The following ROBO2 variants were observed in gnomAD, a reference collection of about 807,000 sequenced individuals.
The protein encoded by ROBO2 is roundabout guidance receptor 2.
In ROBO2, 53 loss-of-function variants were observed where a neutral mutation model predicts 160.8. The ratio of observed to expected loss-of-function variants is 0.33; its 90% CI spans 0.26 to 0.41. ROBO2 has a LOEUF of 0.41. Among genes scored for constraint, ROBO2 ranks in the 10% least tolerant of loss-of-function variants. The pLI is 1.00. For synonymous variants in ROBO2, 664 were observed against 611.7 expected (o/e 1.09, Z -1.26); for missense variants, 1,577 against 1,722.4 (o/e 0.92, Z 1.49).
At chr3:77,048,895 T>C (rs1267848290) in intron 1 of ROBO2, among the ~76,000 whole-genome samples, 2 of 152,234 alleles carry the variant, frequency 1.3e-5, no homozygotes, top group Admixed American at 1.3e-4. Context: ...TTGTTCTAAT[T>C]GCCTTAGAAC....
chr3:77,097,748 T>C (rs2071284952), intron 1 of ROBO2, among the ~76,000 whole-genome samples: 1 of 152,060 alleles, frequency 6.6e-6, no homozygotes, highest in Non-Finnish European at 1.5e-5. Context: ...AACAAGAAAG[T>C]CTCTTGTTCT....
At position 76,378,469 on chromosome 3, in the gene ROBO2, C is replaced by T. The variant is rs985795417; in HGVS notation, c.109+440867C>T. 5.3e-5 allele frequency among the ~76,000 whole-genome samples: 8 copies of T among 152,220 alleles called. 1 individual carries two copies. The Middle Eastern group carries it at 0.01, about 194-fold the overall frequency. ...GCCATCAATCCTTCTATTTAAGAAA[C>T]GTTCGACGAGTAGGAGATCAAGTAT... On this transcript the variant is annotated intron_variant, in intron 2 of 26. Transcript: ENST00000487694.
chr3:76,459,028 A>G (rs540681142), intron 2 of ROBO2, among the ~76,000 whole-genome samples: 1 of 152,208 alleles, frequency 6.6e-6, no homozygotes, highest in Admixed American at 6.5e-5. Flanking sequence ...AATACAATGT[A>G]CCCTGTGTTA....
intron 2 of ROBO2, among the ~76,000 whole-genome samples, chr3:76,857,468 T>G (rs1486366589): frequency 6.6e-6 from 1 of 152,206 alleles, no homozygotes; most frequent in Non-Finnish European, 1.5e-5. Context: ...CCTAGCCTAT[T>G]ATTGAACTCA....
intron 2 of ROBO2, among the ~76,000 whole-genome samples, chr3:76,465,416 C>A (rs1207241452): frequency 6.6e-6 from 1 of 152,018 alleles, no homozygotes; most frequent in South Asian, 2.1e-4. Context: ...CAATTGGGAT[C>A]TGGGATAAGG....
At chr3:76,071,580 G>A (rs2068456212) in intron 2 of ROBO2, among the ~76,000 whole-genome samples, 1 of 152,046 alleles carries the variant, frequency 6.6e-6, no homozygotes, top group Admixed American at 6.6e-5. Context: ...TTTTAGTAGA[G>A]ACTGATGTTC....
intron 2 of ROBO2, among the ~76,000 whole-genome samples, chr3:76,799,548 AC>A (rs2108834911): frequency 6.6e-6 from 1 of 152,102 alleles, no homozygotes; most frequent in South Asian, 2.1e-4. Flanking sequence ...AAATTAACAT[AC>A]AAAAATCAGT....
At chr3:77,440,893 T>G (rs1219380996) in intron 2 of ROBO2, among the ~76,000 whole-genome samples, 2 of 152,114 alleles carry the variant, frequency 1.3e-5, no homozygotes, top group Non-Finnish European at 2.9e-5. Context: ...GAGGAGAGGA[T>G]ATGTCACTAT....
At chr3:76,990,640 G>T (rs528672530) in intron 2 of ROBO2, among the ~76,000 whole-genome samples, 22 of 152,090 alleles carry the variant, frequency 1.4e-4, no homozygotes, top group South Asian at 4.1e-4. Context: ...TCATGCAGTT[G>T]TTAACTATCT....
intron 2 of ROBO2, among the ~76,000 whole-genome samples, chr3:76,072,372 A>G (rs2068489858): frequency 6.6e-6 from 1 of 152,126 alleles, no homozygotes; most frequent in African/African-American, 2.4e-5. Context: ...TTGTGGAGAA[A>G]TGTTTCAAAA....
chr3:77,564,132 G>A (rs2093414178), intron 11 of ROBO2, among the ~76,000 whole-genome samples: 1 of 151,850 alleles, frequency 6.6e-6, no homozygotes, highest in Admixed American at 6.6e-5. Context: ...GTAATGCTAG[G>A]TACTTAATTT....
chr3:76,851,217 A>G (rs1488902286), intron 2 of ROBO2, among the ~76,000 whole-genome samples: 3 of 152,206 alleles, frequency 2.0e-5, no homozygotes, highest in African/African-American at 7.2e-5. Flanking sequence ...TTGAATTCTA[A>G]TCAATTAAAA....
At chr3:77,211,623 G>A (rs1393647795) in intron 2 of ROBO2, among the ~76,000 whole-genome samples, 1 of 152,072 alleles carries the variant, frequency 6.6e-6, no homozygotes, top group Non-Finnish European at 1.5e-5. Context: ...CATTGCTTTT[G>A]GTGTTTTAGA....
At position 77,040,671 on chromosome 3, in the gene ROBO2, A is replaced by C. The variant is rs2063993283; in HGVS notation, c.-115A>C. 1 of 1,589,124 alleles carries C rather than the reference A, an allele frequency of 6.3e-7. No individual in the cohort carries two copies. On this transcript the variant is annotated 5_prime_UTR_variant, in exon 1 of 26. The change abolishes the stop of an existing upstream ORF in the 5' untranslated region. Coordinates refer to ENST00000461745, the Ensembl canonical transcript of ROBO2. ...CGATTTGCTCTTCTTGACTTTAATT[A>C]GTATCTAGGAAAGTCTAAACTTTGG...
At position 76,675,123 on chromosome 3, in the gene ROBO2, T is replaced by C. The variant is rs142431921; in HGVS notation, c.110-422891T>C. ...ATAAGGGCACAGCATTGGCTGTCTT[T>C]AGTAAAAATCTCTGAATTAGTTGCA... On this transcript the variant is annotated intron_variant, in intron 2 of 26. Coordinates refer to the ROBO2 transcript ENST00000487694. Among the ~76,000 whole-genome samples, 1,388 of 152,292 alleles carry C rather than the reference T, an allele frequency of 9.1e-3. 20 individuals are homozygous for C. The highest frequency in any genetic ancestry group is 0.031 in the African/African-American group (1,307 of 41,576).
exon 13 of ROBO2, chr3:77,568,425 C>G: frequency 6.2e-7 from 1 of 1,612,768 alleles, no homozygotes. Context: ...CGGTTCAGGT[C>G]ACATGGACGG....
intron 2 of ROBO2, among the ~76,000 whole-genome samples, chr3:77,467,823 G>C (rs1468727350): frequency 1.3e-5 from 2 of 152,110 alleles, no homozygotes; most frequent in African/African-American, 4.8e-5. Context: ...AATGCCCAAA[G>C]TTATAAGCAT....
At chr3:76,836,641 T>A (rs1237007151) in intron 2 of ROBO2, among the ~76,000 whole-genome samples, 1 of 151,818 alleles carries the variant, frequency 6.6e-6, no homozygotes, top group African/African-American at 2.4e-5. Context: ...GACCCATGGA[T>A]TTTTTAGAAG....
chr3:76,212,414 A>G (rs1186570493), intron 2 of ROBO2, among the ~76,000 whole-genome samples: 2 of 152,042 alleles, frequency 1.3e-5, no homozygotes. Flanking sequence ...AATATGCATT[A>G]TTACAGGCTA....
Sources: allele counts gnomAD v4.1 joint callset (sites outside exome capture counted in the v4.1 genomes callset), GRCh38; gene constraint gnomAD v4.1.1; transcripts MANE v1.5; gene names NCBI Gene and HGNC (gene_info 2026-07-23, HGNC 2026-07-21).